ZNF618: variants seen among roughly 807,000 people sequenced by gnomAD.
ZNF618 encodes neural precursor cell expressed, developmentally down-regulated 10.
ZNF618 carries 34 observed loss-of-function variants against 103.0 expected under a neutral mutation model. The ratio of observed to expected loss-of-function variants is 0.33; its 90% confidence interval spans 0.25 to 0.44. The LOEUF is 0.44. ZNF618 is among the 20% of genes least tolerant of loss of function. ZNF618 has a pLI of 1.00. For synonymous variants in ZNF618, 551 were observed against 542.2 expected (o/e 1.02, Z -0.23); for missense variants, 1,059 against 1,295.4 (o/e 0.82, Z 2.80).
At chr9:113,993,338 A>AC (rs545430572) in intron 3 of ZNF618, among the ~76,000 whole-genome samples, 34 of 152,228 alleles carry the variant, frequency 2.2e-4, no homozygotes, top group Non-Finnish European at 4.8e-4. Context: ...CCAATGATGC[A>AC]CCTCAGAATC....
chr9:113,886,199 C>T (rs1829056268), intron 1 of ZNF618, among the ~76,000 whole-genome samples: 1 of 152,182 alleles, frequency 6.6e-6, no homozygotes, highest in Non-Finnish European at 1.5e-5. Flanking sequence ...GTGCTTTTGG[C>T]TTGCTTACTG....
intron 1 of ZNF618, among the ~76,000 whole-genome samples, chr9:113,943,656 A>G (rs1834747564): frequency 6.6e-6 from 1 of 151,928 alleles, no homozygotes; most frequent in Non-Finnish European, 1.5e-5. Context: ...AAAATTTCAA[A>G]TCATGACCAC....
intron 1 of ZNF618, among the ~76,000 whole-genome samples, chr9:113,889,347 T>TCTC (rs1477289947): frequency 1.4e-4 from 15 of 104,204 alleles, no homozygotes; most frequent in South Asian, 9.4e-4. Flanking sequence ...CTCTCTCTCT[T>TCTC]TCTCTCCCTC....
chr9:113,881,836 C>T lies in ZNF618; in HGVS notation c.33+5423C>T, dbSNP rs190368332. 1.2e-4 allele frequency among the ~76,000 whole-genome samples: 19 copies of T among 152,308 alleles called. No homozygotes were observed. In the East Asian group the frequency reaches 2.9e-3, roughly 23 times the overall value. ...TCCTGGCTAGAGTAGCCCACATTTC[C>T]CTTTTATTTGTCCCAACGCAGACTT... On this transcript the variant is annotated intron_variant, in intron 1 of 14. Coordinates refer to ENST00000374126, the MANE Select transcript of ZNF618 (RefSeq NM_001318042.2).
At chr9:113,986,579 A>G (rs1839504005) in intron 2 of ZNF618, among the ~76,000 whole-genome samples, 1 of 152,010 alleles carries the variant, frequency 6.6e-6, no homozygotes, top group South Asian at 2.1e-4. Flanking sequence ...GGAGAGAGCA[A>G]TCTCTTTCCC....
intron 1 of ZNF618, among the ~76,000 whole-genome samples, chr9:113,934,847 G>A (rs1451728803): frequency 6.6e-6 from 1 of 152,226 alleles, no homozygotes; most frequent in Non-Finnish European, 1.5e-5. Flanking sequence ...GCCCGAGCAT[G>A]GAGAGGCTGG....
At chr9:113,938,099 A>G (rs1834184280) in intron 1 of ZNF618, among the ~76,000 whole-genome samples, 2 of 149,332 alleles carry the variant, frequency 1.3e-5, no homozygotes, top group African/African-American at 5.0e-5. Flanking sequence ...TTATGATATT[A>G]TATCTTCCCA....
intron 1 of ZNF618, among the ~76,000 whole-genome samples, chr9:113,967,335 C>T (rs192549366): frequency 6.6e-6 from 1 of 152,294 alleles, no homozygotes; most frequent in African/African-American, 2.4e-5. Context: ...TCTTTTGCTC[C>T]CAGTGAAATG....
chr9:114,041,889 G>T (rs1033413537), intron 13 of ZNF618, among the ~76,000 whole-genome samples: 3 of 152,176 alleles, frequency 2.0e-5, no homozygotes, highest in African/African-American at 7.2e-5. Flanking sequence ...GCTTGATGGG[G>T]ATGGCATTGA....
At chr9:113,951,555 G>GTATA (rs753147188) in intron 1 of ZNF618, among the ~76,000 whole-genome samples, 7 of 48,974 alleles carry the variant, frequency 1.4e-4, no homozygotes, top group East Asian at 1.7e-3. Flanking sequence ...ACACATATGT[G>GTATA]TGTGTATATG....
chr9:113,993,514 T>G (rs921234833), intron 3 of ZNF618, among the ~76,000 whole-genome samples: 2 of 152,222 alleles, frequency 1.3e-5, no homozygotes, highest in African/African-American at 4.8e-5. Flanking sequence ...GAGATAAGGA[T>G]GCCCGCATCC....
chr9:113,975,705 C>G (rs961168389), intron 2 of ZNF618, among the ~76,000 whole-genome samples: 3 of 152,148 alleles, frequency 2.0e-5, no homozygotes, highest in African/African-American at 7.2e-5. Context: ...AATCCAGATA[C>G]TTCTGGCCCT....
intron 9 of ZNF618, among the ~76,000 whole-genome samples, chr9:114,014,846 G>A (rs753606529): frequency 1.3e-5 from 2 of 152,026 alleles, no homozygotes; most frequent in Non-Finnish European, 2.9e-5. Context: ...TGATGTTGCT[G>A]GTCCAGGGAC....
chr9:113,973,971 A>G (rs946641758), intron 2 of ZNF618, among the ~76,000 whole-genome samples: 4 of 152,186 alleles, frequency 2.6e-5, no homozygotes, highest in East Asian at 1.9e-4. Context: ...GAAAAAATCA[A>G]ATCTCATCCA....
intron 9 of ZNF618, among the ~76,000 whole-genome samples, chr9:114,013,592 G>C (rs1208786963): frequency 1.3e-5 from 2 of 152,020 alleles, no homozygotes; most frequent in Non-Finnish European, 2.9e-5. Context: ...CACCACGCCT[G>C]GCTAATTTTT....
At chr9:114,015,672 T>A (rs1842588331) in intron 9 of ZNF618, among the ~76,000 whole-genome samples, 1 of 152,240 alleles carries the variant, frequency 6.6e-6, no homozygotes, top group Admixed American at 6.5e-5. Flanking sequence ...TGGGTGAATG[T>A]GCAAAAATTT....
intron 3 of ZNF618, among the ~76,000 whole-genome samples, chr9:113,989,659 T>C (rs537374393): frequency 6.6e-6 from 1 of 152,370 alleles, no homozygotes; most frequent in African/African-American, 2.4e-5. Context: ...CACCTCCTAC[T>C]GACTTCCAAG....
intron 10 of ZNF618, among the ~76,000 whole-genome samples, chr9:114,026,221 A>G (rs1044261136): frequency 6.6e-6 from 1 of 152,234 alleles, no homozygotes; most frequent in Non-Finnish European, 1.5e-5. Flanking sequence ...AGCTTGAAAG[A>G]GAAAGGATAT....
intron 1 of ZNF618, among the ~76,000 whole-genome samples, chr9:113,950,936 C>T (rs535119472): frequency 3.6e-5 from 5 of 139,696 alleles, no homozygotes; most frequent in South Asian, 2.3e-4. Flanking sequence ...AGGGTGGCCT[C>T]GGTGGGAGCT....
Sources: allele counts gnomAD v4.1 joint callset (sites outside exome capture counted in the v4.1 genomes callset), GRCh38; gene constraint gnomAD v4.1.1; transcripts MANE v1.5; gene names NCBI Gene and HGNC (gene_info 2026-07-23, HGNC 2026-07-21).